C8orf34: variants seen among roughly 807,000 people sequenced by gnomAD.
The protein encoded by C8orf34 is chromosome 8 open reading frame 34.
C8orf34 carries 65 observed loss-of-function variants against 68.3 expected under a neutral mutation model. The ratio of observed to expected loss-of-function variants is 0.95; its 90% confidence interval spans 0.78 to 1.17. The LOEUF (loss-of-function observed/expected upper bound fraction) is 1.17, where lower values mean the gene tolerates loss of function less well. Ranked by LOEUF, C8orf34 falls within the 50% of genes most tolerant of loss-of-function variation. C8orf34 has a pLI of 0.00. For missense variants in C8orf34, 664 were observed against 655.4 expected, an observed-to-expected ratio of 1.01 and a Z score of -0.14; for synonymous variants, 244 against 241.2, an observed-to-expected ratio of 1.01 and a Z score of -0.11.
chr8:68,722,994 C>T (rs1821718740), intron 10 of C8orf34, among the ~76,000 whole-genome samples: 1 of 152,044 alleles, frequency 6.6e-6, no homozygotes, highest in Admixed American at 6.6e-5. Context: ...GCAGAGATAT[C>T]TAACCTATAG....
intron 1 of C8orf34, among the ~76,000 whole-genome samples, chr8:68,424,905 T>A (rs1402903201): frequency 6.6e-6 from 1 of 151,964 alleles, no homozygotes; most frequent in African/African-American, 2.4e-5. Flanking sequence ...ATCCCAAAAA[T>A]AATAATAATA....
chr8:68,688,254 G>A (rs1373182656), intron 8 of C8orf34, among the ~76,000 whole-genome samples: 1 of 151,984 alleles, frequency 6.6e-6, no homozygotes, highest in Non-Finnish European at 1.5e-5. Flanking sequence ...CCCACTACTG[G>A]GTATCTATTC....
rs577470581 is a variant in C8orf34 at position 68,502,334 on chromosome 8, AC to A, written c.765+14284del. Among the ~76,000 whole-genome samples, 128 of 152,334 alleles carry A rather than the reference AC, an allele frequency of 8.4e-4. 1 individual carries two copies. The highest frequency in any genetic ancestry group is 2.9e-3 in the African/African-American group (121 of 41,572). On this transcript the variant is annotated intron_variant, in intron 5 of 13. Transcript: ENST00000518698. ...ATTCCAGGTCTGGAGCAAGGAATATACAAAAAGTGCCTGAAATAGCTCTATC... is the reference window on the plus strand; with the variant it reads ...ATTCCAGGTCTGGAGCAAGGAATATAAAAAAGTGCCTGAAATAGCTCTATC...
intron 4 of C8orf34, among the ~76,000 whole-genome samples, chr8:68,473,713 G>A (rs866922222): frequency 2.5e-4 from 38 of 152,208 alleles, no homozygotes; most frequent in African/African-American, 8.7e-4. Context: ...GTCAGTTAGT[G>A]CTCACTGTCT....
At chr8:68,449,733 T>A (rs1811268308) in intron 3 of C8orf34, among the ~76,000 whole-genome samples, 1 of 152,156 alleles carries the variant, frequency 6.6e-6, no homozygotes, top group South Asian at 2.1e-4. Flanking sequence ...GAGCTTTCAA[T>A]GAGTCATAAT....
chr8:68,743,412 G>A (rs541091535), intron 10 of C8orf34, among the ~76,000 whole-genome samples: 57 of 152,312 alleles, frequency 3.7e-4, no homozygotes, highest in Non-Finnish European at 6.9e-4. Context: ...CAGCATGAGC[G>A]ACGCAGAAGA....
rs189881858 is a variant in C8orf34, at chr8:68,747,692, C to T, written c.1404+26255C>T. On this transcript the variant is annotated intron_variant, in intron 10 of 13. Coordinates refer to ENST00000518698, the MANE Select transcript of C8orf34 (RefSeq NM_052958.4). The stretch of plus-strand genomic sequence containing the variant: ...CCAACTTTCAAGGGATGTGAAGGAC[C>T]TCTTCAAGGAGAACTGCAAACCACT... Among the ~76,000 whole-genome samples, 1,106 of 152,080 alleles carry T rather than the reference C, an allele frequency of 7.3e-3. 14 individuals carry two copies. Among genetic ancestry groups the T allele is most frequent in the African/African-American group, 0.025 (1,043 of 41,450 alleles).
intron 12 of C8orf34, among the ~76,000 whole-genome samples, chr8:68,814,554 T>C (rs571707497): frequency 6.0e-4 from 91 of 152,326 alleles, no homozygotes; most frequent in Non-Finnish European, 1.0e-3. Context: ...TTTTTTGTAG[T>C]TCCTATTCAT....
chr8:68,656,076 G>C lies in C8orf34; in HGVS notation c.1241+15565G>C, dbSNP rs191797302. On this transcript the variant is annotated intron_variant, in intron 8 of 13. Coordinates refer to ENST00000518698, the MANE Select transcript of C8orf34 (RefSeq NM_052958.4). ...AACCATGTTGAAGGTCCCTGTGCTT[G>C]GTGATGCTGCTCTCCTCTTCCAGGT... 1.3e-3 allele frequency among the ~76,000 whole-genome samples: 198 copies of C among 152,266 alleles called. 1 individual carries two copies. Among genetic ancestry groups the C allele is most frequent in the African/African-American group, 3.8e-3 (158 of 41,544 alleles).
intron 10 of C8orf34, among the ~76,000 whole-genome samples, chr8:68,749,131 G>T (rs1048291205): frequency 6.6e-6 from 1 of 151,434 alleles, no homozygotes; most frequent in African/African-American, 2.4e-5. Flanking sequence ...GTAAACTATC[G>T]CAAGAACAAA....
At chr8:68,369,791 T>C (rs899001173) in intron 1 of C8orf34, among the ~76,000 whole-genome samples, 2 of 152,222 alleles carry the variant, frequency 1.3e-5, no homozygotes, top group Non-Finnish European at 2.9e-5. Context: ...TGTAATTCTC[T>C]GCACACTTGC....
At chr8:68,701,895 C>T (rs1225388157) in intron 8 of C8orf34, among the ~76,000 whole-genome samples, 1 of 151,958 alleles carries the variant, frequency 6.6e-6, no homozygotes, top group Non-Finnish European at 1.5e-5. Context: ...AATGCTCTTT[C>T]CCAGAGGTCT....
chr8:68,544,436 G>T (rs1267420703), intron 7 of C8orf34, among the ~76,000 whole-genome samples: 1 of 152,106 alleles, frequency 6.6e-6, no homozygotes, highest in Non-Finnish European at 1.5e-5. Flanking sequence ...AAACCCATGA[G>T]TACAAAGGTG....
At chr8:68,358,798 C>T (rs183413223) in intron 1 of C8orf34, among the ~76,000 whole-genome samples, 199 of 151,774 alleles carry the variant, frequency 1.3e-3, no homozygotes, top group African/African-American at 4.2e-3. Context: ...CTCTGCCTCT[C>T]GGGTTCAAGT....
intron 7 of C8orf34, among the ~76,000 whole-genome samples, chr8:68,547,490 C>T (rs2130008547): frequency 6.6e-6 from 1 of 151,708 alleles, no homozygotes; most frequent in South Asian, 2.1e-4. Flanking sequence ...CAAATTCTTT[C>T]AGAAAATAGA....
intron 7 of C8orf34, among the ~76,000 whole-genome samples, chr8:68,593,509 A>G (rs182351394): frequency 2.6e-5 from 4 of 152,048 alleles, no homozygotes; most frequent in South Asian, 4.1e-4. Context: ...TTTTATTAAT[A>G]TATTTTTCAA....
At chr8:68,446,543 G>T (rs759191745) in intron 3 of C8orf34, 83 bp downstream of exon 3, 1 of 1,422,574 alleles carries the variant, frequency 7.0e-7, no homozygotes, top group African/African-American at 1.5e-5. Context: ...ATTAATTGAA[G>T]CCCAACTTTT....
intron 9 of C8orf34, among the ~76,000 whole-genome samples, chr8:68,713,831 C>A (rs1186867405): frequency 6.6e-6 from 1 of 152,026 alleles, no homozygotes; most frequent in African/African-American, 2.4e-5. Flanking sequence ...CAGGGAAGGA[C>A]ATAACACGAA....
intron 4 of C8orf34, among the ~76,000 whole-genome samples, chr8:68,470,258 C>A (rs933531331): frequency 7.2e-5 from 11 of 152,036 alleles, no homozygotes; most frequent in Non-Finnish European, 1.0e-4. Flanking sequence ...TGGGGCAGAG[C>A]TTCAGGGCTC....
Sources: gnomAD v4.1 joint callset for allele counts (sites outside exome capture counted in the v4.1 genomes callset) on GRCh38, gnomAD v4.1.1 for gene constraint, MANE v1.5 for transcripts, NCBI Gene and HGNC (gene_info 2026-07-23, HGNC 2026-07-21) for gene names.